The following KDM2B variants were observed in gnomAD, a reference collection of about 807,000 sequenced individuals.
KDM2B encodes lysine-specific demethylase 2B.
A neutral mutation model predicts 150.0 loss-of-function variants in KDM2B; 26 were observed. That is an observed-to-expected ratio of 0.17 (90% CI 0.13 to 0.24). The LOEUF (loss-of-function observed/expected upper bound fraction) is 0.24, where lower values mean the gene tolerates loss of function less well. Ranked by LOEUF, KDM2B falls within the 10% of genes least tolerant of loss-of-function variation. The probability of loss-of-function intolerance (pLI) is 1.00; values close to 1 mark genes in which losing one functional copy is unlikely to be tolerated. For synonymous variants in KDM2B, 734 were observed against 729.5 expected (o/e 1.01, Z -0.10); for missense variants, 1,265 against 1,816.9 (o/e 0.70, Z 5.52).
intron 12 of KDM2B, among the ~76,000 whole-genome samples, chr12:121,472,284 G>A (rs1441644894): frequency 6.6e-6 from 1 of 152,194 alleles, no homozygotes; most frequent in Non-Finnish European, 1.5e-5. Context: ...AAAAGCAGAA[G>A]GTCTTTTGGA....
At chr12:121,525,635 C>T (rs782010532) in intron 8 of KDM2B, among the ~76,000 whole-genome samples, 15 of 152,112 alleles carry the variant, frequency 9.9e-5, no homozygotes, top group Non-Finnish European at 1.8e-4. Context: ...CCTAGCTGGA[C>T]TGGCTGAGCA....
chr12:121,416,630 ATTATGT>A, the KDM2B span: 7 of 333,046 alleles, frequency 2.1e-5, no homozygotes, highest in Non-Finnish European at 3.3e-5. Flanking sequence ...TTTATTTTCT[ATTATGT>A]TTATTTCCAA....
the KDM2B span, among the ~76,000 whole-genome samples, chr12:121,411,519 G>A: frequency 6.6e-6 from 1 of 152,082 alleles, no homozygotes; most frequent in Non-Finnish European, 1.5e-5. Context: ...CTAATTCATT[G>A]TAAAACTATC....
At chr12:121,423,634 C>CT in the KDM2B span, 1 of 1,429,820 alleles carries the variant, frequency 7.0e-7, no homozygotes, top group African/African-American at 1.4e-5. This position sits in a 1 kb window ranked among gnomAD's most constrained non-coding sequence, Gnocchi z 4.3. Context: ...CATTTCAATG[C>CT]ACAGAAGGGA....
intron 6 of KDM2B, among the ~76,000 whole-genome samples, chr12:121,535,272 T>A (rs1887997535): frequency 6.7e-6 from 1 of 150,116 alleles, no homozygotes; most frequent in Non-Finnish European, 1.5e-5. Context: ...GATTGCCAAG[T>A]AAGCAATGCA....
At chr12:121,432,428 T>C (rs1170191826) in intron 22 of KDM2B, among the ~76,000 whole-genome samples, 2 of 152,216 alleles carry the variant, frequency 1.3e-5, no homozygotes, top group Non-Finnish European at 2.9e-5. Context: ...CATTTTTCAT[T>C]ATTTACTATG....
In KDM2B at chr12:121,442,858, CG is replaced by C; in HGVS notation, c.2605-23del. 1 of 1,518,104 alleles carries C rather than the reference CG, an allele frequency of 6.6e-7. No homozygotes were observed. Among genetic ancestry groups the C allele is most frequent in the Non-Finnish European group, 8.8e-7 (1 of 1,137,932 alleles). 94.0% of individuals were successfully genotyped at this position (1,518,104 alleles called of 1,614,324 possible). A position where few individuals can be genotyped will look rare whatever the true frequency, so the allele number is the denominator to read the frequency against. ...GCCGCTGAGGGCGAGAGCGGAGACG[CG>C]TCAGCCTCTGGGGCTCAGGGCTGCG... On this transcript the variant is annotated intron_variant, in intron 18 of 22. Coordinates refer to ENST00000377071, the MANE Select transcript of KDM2B (RefSeq NM_032590.5). This position sits in a 1 kb window ranked among gnomAD's most constrained non-coding sequence, Gnocchi z 7.7.
intron 4 of KDM2B, among the ~76,000 whole-genome samples, chr12:121,560,766 G>C (rs1230965003): frequency 1.3e-5 from 2 of 152,288 alleles, no homozygotes; most frequent in East Asian, 3.9e-4. Context: ...CAGGCACACA[G>C]GCTGAGTCTC....
the KDM2B span, chr12:121,415,283 C>T: frequency 2.6e-6 from 1 of 380,072 alleles, no homozygotes; most frequent in East Asian, 7.4e-5. Flanking sequence ...GTATATTATA[C>T]CCAATTACAA....
intron 22 of KDM2B, among the ~76,000 whole-genome samples, chr12:121,436,016 G>A (rs1044123394): frequency 7.9e-5 from 12 of 152,168 alleles, no homozygotes; most frequent in Admixed American, 7.2e-4. Flanking sequence ...GCAGAGAGAA[G>A]AAAATAAAAC....
chr12:121,510,414 G>T (rs1566356975), intron 10 of KDM2B, among the ~76,000 whole-genome samples: 2 of 150,014 alleles, frequency 1.3e-5, no homozygotes, highest in African/African-American at 4.9e-5. Context: ...CACTCAGCTA[G>T]TTTTTTTTTT....
At chr12:121,573,316 T>C (rs1274573968) in intron 4 of KDM2B, among the ~76,000 whole-genome samples, 20 of 150,970 alleles carry the variant, frequency 1.3e-4, no homozygotes, top group Admixed American at 1.3e-3. Flanking sequence ...AGAGTCTTAC[T>C]CTGTTACCTA....
At chr12:121,421,697 A>T in the KDM2B span, among the ~76,000 whole-genome samples, 12 of 152,178 alleles carry the variant, frequency 7.9e-5, no homozygotes, top group African/African-American at 1.4e-4. Flanking sequence ...TTGTAAAAAA[A>T]ATATATATGT....
At chr12:121,445,566 T>C (rs1489275387) in intron 13 of KDM2B, 148 bp from the exon 14 acceptor site, 6 of 687,980 alleles carry the variant, frequency 8.7e-6, no homozygotes, top group African/African-American at 3.6e-5. Flanking sequence ...CACTCATTCA[T>C]TGAAATACGT....
At chr12:121,444,389 C>T (rs782027333) in intron 15 of KDM2B, 61 bp downstream of exon 15, 16 of 1,606,970 alleles carry the variant, frequency 1.0e-5, no homozygotes, top group African/African-American at 4.0e-5. Context: ...AGGCTGGTCC[C>T]GGCCAGGCCC....
intron 12 of KDM2B, among the ~76,000 whole-genome samples, chr12:121,488,708 G>A (rs1883032737): frequency 1.3e-5 from 2 of 152,026 alleles, no homozygotes; most frequent in Non-Finnish European, 2.9e-5. Flanking sequence ...TGAAACCTCC[G>A]CCTCCCAGGT....
chr12:121,552,676 T>TAAAAA (rs5801436), intron 4 of KDM2B, among the ~76,000 whole-genome samples: 1 of 131,846 alleles, frequency 7.6e-6, no homozygotes, highest in Non-Finnish European at 1.6e-5. Flanking sequence ...CTGTCTTAAT[T>TAAAAA]AAAAAAAAAA....
intron 4 of KDM2B, among the ~76,000 whole-genome samples, chr12:121,566,849 A>G (rs1890738400): frequency 6.6e-6 from 1 of 152,154 alleles, no homozygotes; most frequent in African/African-American, 2.4e-5. Context: ...ACACCTTTTT[A>G]GGAATGTGAA....
the KDM2B span, chr12:121,416,210 A>G: frequency 1.9e-6 from 3 of 1,614,082 alleles, no homozygotes; most frequent in Middle Eastern, 3.3e-4. Flanking sequence ...GAATGAAGTC[A>G]TGGGAACTGG....
Sources: allele counts gnomAD v4.1 joint callset (sites outside exome capture counted in the v4.1 genomes callset), GRCh38; gene constraint gnomAD v4.1.1; non-coding constraint Gnocchi (gnomAD v3.1); transcripts MANE v1.5; gene names NCBI Gene and HGNC (gene_info 2026-07-23, HGNC 2026-07-21).